Variants in NT5C2 observed in about 807,000 individuals in gnomAD.
The protein encoded by NT5C2 is cytosolic purine 5'-nucleotidase.
NT5C2 carries 58 observed loss-of-function variants against 76.1 expected under a neutral mutation model. That is an observed-to-expected ratio of 0.76 (90% CI 0.62 to 0.95). The LOEUF is 0.95. Among genes scored for constraint, NT5C2 ranks in the 40% least tolerant of loss-of-function variants. The probability of loss-of-function intolerance (pLI) is 0.00; values close to 1 mark genes in which losing one functional copy is unlikely to be tolerated. For synonymous variants in NT5C2, 229 were observed against 237.4 expected (o/e 0.96, Z 0.32); for missense variants, 478 against 690.3 (o/e 0.69, Z 3.45).
chr10:103,103,679 A>G (rs2070394499), intron 6 of NT5C2, among the ~76,000 whole-genome samples: 1 of 152,158 alleles, frequency 6.6e-6, no homozygotes, highest in South Asian at 2.1e-4. Flanking sequence ...ACAGATTACT[A>G]CTAACTTTCT....
At chr10:103,109,798 T>C (rs527774893) in intron 4 of NT5C2, among the ~76,000 whole-genome samples, 1 of 152,284 alleles carries the variant, frequency 6.6e-6, no homozygotes, top group East Asian at 1.9e-4. Context: ...CAATTTGGAT[T>C]TGAAGCACAA....
At chr10:103,128,227 C>T (rs28419708) in intron 4 of NT5C2, among the ~76,000 whole-genome samples, 2 of 150,670 alleles carry the variant, frequency 1.3e-5, no homozygotes, top group African/African-American at 4.9e-5. Context: ...AGGCACGCGC[C>T]GCCACGCCTG....
At chr10:103,164,335 G>A (rs767162685) in intron 3 of NT5C2, among the ~76,000 whole-genome samples, 1 of 152,028 alleles carries the variant, frequency 6.6e-6, no homozygotes, top group Admixed American at 6.6e-5. Flanking sequence ...TTGGCTCACT[G>A]CAACTTCTGC....
chr10:103,176,485 C>A (rs1303461299), intron 2 of NT5C2, among the ~76,000 whole-genome samples: 1 of 152,158 alleles, frequency 6.6e-6, no homozygotes, highest in Non-Finnish European at 1.5e-5. Flanking sequence ...ACATTGCATA[C>A]CCAGCCTCCC....
chr10:103,124,905 ATAAT>A (rs1398126858), intron 4 of NT5C2: 9 of 148,632 alleles, frequency 6.1e-5, no homozygotes, highest in East Asian at 3.9e-4. Flanking sequence ...TATATTTAAT[ATAAT>A]TAATATATTT....
intron 4 of NT5C2, among the ~76,000 whole-genome samples, chr10:103,111,329 G>A (rs1383454892): frequency 6.6e-6 from 1 of 152,116 alleles, no homozygotes; most frequent in Non-Finnish European, 1.5e-5. Flanking sequence ...CCCAAAAGGA[G>A]GACTGCTTCA....
chr10:103,099,819 TTTTCTTTTTTTAAAAAAAGAAATATTC>T lies in NT5C2; in HGVS notation c.633+80_633+106del, dbSNP rs1319784438. Reference sequence around the variant, plus strand: ...ATCACTAGGCGGGGGCAAATCTGTTTTTTCTTTTTTTAAAAAAAGAAATATTCTGCTCCATTTGGAAAGTTAATGCCA... The same window carrying T: ...ATCACTAGGCGGGGGCAAATCTGTTTTGCTCCATTTGGAAAGTTAATGCCA... On this transcript the variant is annotated intron_variant, in intron 9 of 18. Transcript: ENST00000404739. 2.1e-3 allele frequency: 1,456 copies of T among 705,440 alleles called. 1 individual carries two copies. The highest frequency in any genetic ancestry group is 3.3e-3 in the Non-Finnish European group (1,383 of 413,928). The allele number at this position is 705,440 out of a possible 1,614,324, so 43.7% of individuals were successfully genotyped here. A position where few individuals can be genotyped will look rare whatever the true frequency, so the allele number is the denominator to read the frequency against.
intron 6 of NT5C2, among the ~76,000 whole-genome samples, chr10:103,103,258 T>A (rs1486426937): frequency 6.6e-6 from 1 of 152,212 alleles, no homozygotes; most frequent in Non-Finnish European, 1.5e-5. Context: ...AAAATCACAT[T>A]AGCTCCCTGT....
At chr10:103,164,069 T>C (rs2085690096) in intron 3 of NT5C2, among the ~76,000 whole-genome samples, 1 of 151,828 alleles carries the variant, frequency 6.6e-6, no homozygotes, top group African/African-American at 2.4e-5. Context: ...TGAGACCCTA[T>C]CTCTACGAAA....
At chr10:103,101,425 A>G (rs1333204362) in intron 6 of NT5C2, 99 bp from the exon 7 acceptor site, 3 of 688,732 alleles carry the variant, frequency 4.4e-6, no homozygotes, top group Non-Finnish European at 7.5e-6. Flanking sequence ...TTTGATGGCT[A>G]TGTGCAAGAC....
chr10:103,169,062 G>A (rs1264358807), intron 3 of NT5C2, among the ~76,000 whole-genome samples: 2 of 152,018 alleles, frequency 1.3e-5, no homozygotes, highest in African/African-American at 2.4e-5. Context: ...ATACAAGTCT[G>A]ATGACTACAT....
At chr10:103,183,023 G>C (rs2091356855) in intron 1 of NT5C2, among the ~76,000 whole-genome samples, 1 of 151,864 alleles carries the variant, frequency 6.6e-6, no homozygotes, top group South Asian at 2.1e-4. Flanking sequence ...CATAGCCACA[G>C]ACCAACTTAC....
intron 4 of NT5C2, among the ~76,000 whole-genome samples, chr10:103,135,980 A>C (rs1027666120): frequency 4.6e-5 from 7 of 152,058 alleles, no homozygotes; most frequent in African/African-American, 7.2e-5. Flanking sequence ...CCAGCTACTC[A>C]GGAGGCTGAG....
chr10:103,089,693 C>G lies in NT5C2; in HGVS notation c.1665G>C (p.Glu555Asp). 6.2e-7 allele frequency: 1 copy of G among 1,607,900 alleles called. No homozygotes were observed. Among genetic ancestry groups the G allele is most frequent in the Non-Finnish European group, 8.5e-7 (1 of 1,176,912 alleles). The change falls in exon 19 of 19, where the codon GAG becomes GAC. Residue 555 changes from glutamate to aspartate, a missense_variant. By Grantham distance (45) the Glu-to-Asp change is conservative. Transcript: ENST00000404739. ...THCHDEDDDEEEEEEEE is the reference protein window; with the variant it reads ...THCHDEDDDEDEEEEEE Reference sequence around the variant, plus strand: ...CTCCTTATTCTTCCTCCTCCTCCTCCTCTTCATCATCATCTTCGTCATGGC... The same window carrying G: ...CTCCTTATTCTTCCTCCTCCTCCTCGTCTTCATCATCATCTTCGTCATGGC...
At chr10:103,108,291 G>A (rs927553874) in intron 4 of NT5C2, among the ~76,000 whole-genome samples, 14 of 152,170 alleles carry the variant, frequency 9.2e-5, no homozygotes, top group African/African-American at 3.4e-4. Context: ...AAAAAGACCT[G>A]CTAGCTTGCT....
At chr10:103,179,201 C>A (rs1388963834) in intron 2 of NT5C2, among the ~76,000 whole-genome samples, 1 of 152,032 alleles carries the variant, frequency 6.6e-6, no homozygotes, top group Non-Finnish European at 1.5e-5. Context: ...CCCACCTTGG[C>A]CTTCCAAAGT....
chr10:103,106,610 T>C lies in NT5C2; in HGVS notation c.272A>G (p.Tyr91Cys). ...TTACCTGGTAGGGAATGTAGAATCA[T>C]AAGCAAAGCTGAGCAACTCCTGGGG... The part of the protein sequence containing the change: ...GYPQELLSFA[Y>C]DSTFPTRGLV... The change falls in exon 5 of 19, where the codon TAT becomes TGT. Residue 91 changes from tyrosine (Y) to cysteine (C), a missense_variant. Transcript: ENST00000404739. 6.2e-7 allele frequency: 1 copy of C among 1,611,740 alleles called. No individual in the cohort carries two copies. Among genetic ancestry groups the C allele is most frequent in the Non-Finnish European group, 8.5e-7 (1 of 1,177,898 alleles).
intron 3 of NT5C2, among the ~76,000 whole-genome samples, chr10:103,152,894 T>C (rs2082645199): frequency 6.6e-6 from 1 of 152,218 alleles, no homozygotes. Context: ...TTTCACTAAA[T>C]ATTTCACACC....
intron 3 of NT5C2, chr10:103,145,981 G>T: frequency 1.2e-6 from 1 of 837,052 alleles, no homozygotes; most frequent in Non-Finnish European, 1.4e-6. Flanking sequence ...TTGAAATTTT[G>T]TAAATAGCAA....
Sources: gnomAD v4.1 joint callset for allele counts (sites outside exome capture counted in the v4.1 genomes callset) on GRCh38, gnomAD v4.1.1 for gene constraint, MANE v1.5 for transcripts, NCBI Gene and HGNC (gene_info 2026-07-23, HGNC 2026-07-21) for gene names.